NCKAP5: variants seen among roughly 807,000 people sequenced by gnomAD.
NCKAP5 encodes NCK associated protein 5, also known as nck-associated protein 5.
NCKAP5 carries 92 observed loss-of-function variants against 167.0 expected under a neutral mutation model. The ratio of observed to expected loss-of-function variants is 0.55; its 90% CI spans 0.47 to 0.66. The LOEUF (loss-of-function observed/expected upper bound fraction) is 0.66. Among genes scored for constraint, NCKAP5 ranks in the 30% least tolerant of loss-of-function variants. The probability of loss-of-function intolerance (pLI) is 0.00; values close to 1 mark genes in which losing one functional copy is unlikely to be tolerated. For synonymous variants in NCKAP5, 891 were observed against 877.4 expected (o/e 1.02, Z -0.27); for missense variants, 2,378 against 2,315.0 (o/e 1.03, Z -0.56).
In NCKAP5 at chr2:133,461,627, C is replaced by T. The variant is rs555015837; in HGVS notation, c.69+55831G>A. Among the ~76,000 whole-genome samples the T allele has an allele frequency of 3.3e-5, 5 of 152,264 alleles. No homozygotes were observed. In the East Asian group the frequency reaches 9.7e-4, roughly 29 times the overall value. On this transcript the variant is annotated intron_variant, in intron 3 of 19. Coordinates refer to ENST00000409261, the MANE Select transcript of NCKAP5 (RefSeq NM_207363.3). ...GTGTGTGGTTAAAGCTAGGTTGATG[C>T]CCTCCTGGGCTCCAGCCGAGTGTGA...
At chr2:133,356,897 T>G (rs1444684123) in intron 3 of NCKAP5, among the ~76,000 whole-genome samples, 3 of 152,206 alleles carry the variant, frequency 2.0e-5, no homozygotes, top group Admixed American at 2.0e-4. Context: ...GCCATGTTCC[T>G]TTACAACATT....
At chr2:132,767,215 T>C (rs1053125345) in intron 16 of NCKAP5, among the ~76,000 whole-genome samples, 3 of 152,320 alleles carry the variant, frequency 2.0e-5, no homozygotes, top group Non-Finnish European at 2.9e-5. Context: ...CCCAAACTTA[T>C]AGATCCCAAG....
chr2:132,700,348 T>C (rs1687761898), intron 19 of NCKAP5, among the ~76,000 whole-genome samples: 2 of 152,192 alleles, frequency 1.3e-5, no homozygotes. Context: ...ATTTGTCAAT[T>C]TTGGCTTTTG....
At chr2:133,158,717 C>A (rs2083671691) in intron 5 of NCKAP5, among the ~76,000 whole-genome samples, 2 of 152,050 alleles carry the variant, frequency 1.3e-5, no homozygotes, top group South Asian at 4.2e-4. Context: ...ATCTTATATT[C>A]AATTAACAAA....
At chr2:132,876,169 C>T (rs921951330) in intron 9 of NCKAP5, among the ~76,000 whole-genome samples, 2 of 152,110 alleles carry the variant, frequency 1.3e-5, no homozygotes, top group South Asian at 2.1e-4. Flanking sequence ...ACTGCAGCCT[C>T]GACCTCCTGG....
At chr2:133,024,103 C>A (rs2078619154) in intron 6 of NCKAP5, among the ~76,000 whole-genome samples, 1 of 152,082 alleles carries the variant, frequency 6.6e-6, no homozygotes, top group Non-Finnish European at 1.5e-5. Context: ...ATCTATGACC[C>A]AAATAGAATT....
At chr2:133,061,076 CAAA>C (rs1178987558) in intron 6 of NCKAP5, among the ~76,000 whole-genome samples, 1 of 120,460 alleles carries the variant, frequency 8.3e-6, no homozygotes, top group East Asian at 1.4e-3. Context: ...AAAAAAAAAA[CAAA>C]ACAACAACAA....
At chr2:133,381,331 T>G (rs1686506352) in intron 3 of NCKAP5, among the ~76,000 whole-genome samples, 1 of 152,182 alleles carries the variant, frequency 6.6e-6, no homozygotes, top group African/African-American at 2.4e-5. Flanking sequence ...AAGTTAGCAC[T>G]TAAGAAGAAA....
chr2:132,959,031 C>A (rs59741799), intron 8 of NCKAP5, among the ~76,000 whole-genome samples: 8,221 of 146,252 alleles, frequency 0.056, 679 homozygotes, highest in African/African-American at 0.18. Context: ...AATATATTTA[C>A]TATTATTAAA....
At chr2:133,342,039 C>T (rs922652229) in intron 3 of NCKAP5, among the ~76,000 whole-genome samples, 3 of 152,004 alleles carry the variant, frequency 2.0e-5, no homozygotes, top group South Asian at 2.1e-4. Context: ...CCCGGGTTCA[C>T]GCCATTCTCC....
intron 3 of NCKAP5, among the ~76,000 whole-genome samples, chr2:133,440,070 T>C (rs991225843): frequency 1.3e-5 from 2 of 152,170 alleles, no homozygotes; most frequent in African/African-American, 2.4e-5. Context: ...TTGTATGATA[T>C]ACTGCTTCAC....
Position 133,521,410 on chromosome 2 carries a change from T to C in NCKAP5, c.-61-3823A>G, listed in dbSNP as rs1166301776. ...CTAGTGCAAACTAAAAATGACAGTT[T>C]GACATCTTACTCTTTATATTTATTA... On this transcript the variant is annotated intron_variant, in intron 2 of 19. Coordinates refer to ENST00000409261, the MANE Select transcript of NCKAP5 (RefSeq NM_207363.3). Among the ~76,000 whole-genome samples the C allele has an allele frequency of 2.0e-5, 3 of 152,404 alleles. 1 individual carries two copies. The highest frequency in any genetic ancestry group is 2.0e-4 in the Admixed American group (3 of 15,310).
At chr2:132,716,582 G>T (rs1178905986) in intron 19 of NCKAP5, among the ~76,000 whole-genome samples, 1 of 151,762 alleles carries the variant, frequency 6.6e-6, no homozygotes, top group Non-Finnish European at 1.5e-5. Flanking sequence ...ACTTGAGGGG[G>T]GTAACACTGG....
At chr2:133,153,607 C>T (rs1436999911) in intron 5 of NCKAP5, among the ~76,000 whole-genome samples, 1 of 152,032 alleles carries the variant, frequency 6.6e-6, no homozygotes, top group Non-Finnish European at 1.5e-5. Context: ...GAATAAAGTT[C>T]CCAAACCCCC....
chr2:132,691,608 C>T (rs758544395), intron 19 of NCKAP5, among the ~76,000 whole-genome samples: 1 of 152,208 alleles, frequency 6.6e-6, no homozygotes, highest in Non-Finnish European at 1.5e-5. Flanking sequence ...TGGACAAGCA[C>T]CGCCATTTTA....
chr2:133,029,137 T>A (rs540416335), intron 6 of NCKAP5, among the ~76,000 whole-genome samples: 25 of 152,278 alleles, frequency 1.6e-4, no homozygotes, highest in African/African-American at 5.8e-4. Context: ...TAATACAGGT[T>A]CTCGGCTATG....
chr2:133,529,549 T>C (rs1685192604), intron 2 of NCKAP5, among the ~76,000 whole-genome samples: 1 of 152,208 alleles, frequency 6.6e-6, no homozygotes, highest in African/African-American at 2.4e-5. Flanking sequence ...TATGTATCTG[T>C]TGTGCCTGTG....
Position 132,782,293 on chromosome 2 carries a change from A to C in NCKAP5, c.4518T>G (p.Phe1506Leu). The C allele has an allele frequency of 6.2e-7, 1 of 1,614,056 alleles. No homozygotes were observed. The highest frequency in any genetic ancestry group is 8.5e-7 in the Non-Finnish European group (1 of 1,179,912). ...VEAKQKPGPS[F>L]ASWFGFRKSR... is the part of the protein sequence containing the mutation. Reference sequence around the variant, plus strand: ...TCTTCCGAAAACCAAACCAGCTGGCAAAAGAAGGCCCAGGCTTCTGCTTTG... The same window carrying C: ...TCTTCCGAAAACCAAACCAGCTGGCCAAAGAAGGCCCAGGCTTCTGCTTTG... Residue 1506 changes from phenylalanine (F) to leucine (L), a missense_variant, in exon 14 of 20, where the codon TTT (phenylalanine) becomes TTG (leucine). By Grantham distance (22) the Phe-to-Leu change is conservative. Coordinates refer to ENST00000409261, the MANE Select transcript of NCKAP5 (RefSeq NM_207363.3).
At chr2:133,297,057 G>A (rs1049724110) in intron 4 of NCKAP5, among the ~76,000 whole-genome samples, 2 of 151,916 alleles carry the variant, frequency 1.3e-5, no homozygotes, top group Non-Finnish European at 2.9e-5. Flanking sequence ...AGCAACAAAT[G>A]ATATAAAAAA....
Sources: allele counts gnomAD v4.1 joint callset (sites outside exome capture counted in the v4.1 genomes callset), GRCh38; gene constraint gnomAD v4.1.1; transcripts MANE v1.5; gene names NCBI Gene and HGNC (gene_info 2026-07-23, HGNC 2026-07-21).